Variants in MYO9B observed in about 807,000 individuals in gnomAD.
MYO9B encodes the protein myosin IXB.
Under a neutral mutation model 229.5 loss-of-function variants are expected in MYO9B, and 71 were observed. The observed-to-expected ratio is 0.31, with a 90% confidence interval of 0.26 to 0.38. The LOEUF (loss-of-function observed/expected upper bound fraction) is 0.38. Ranked by LOEUF, MYO9B falls within the 10% of genes least tolerant of loss-of-function variation. The pLI, the probability that MYO9B is intolerant of heterozygous loss-of-function variation, is 1.00. For missense variants in MYO9B, 2,255 were observed against 2,920.5 expected (o/e 0.77, Z 5.25); for synonymous variants, 1,185 against 1,235.8 (o/e 0.96, Z 0.86).
intron 14 of MYO9B, among the ~76,000 whole-genome samples, chr19:17,179,172 C>T (rs918017992): frequency 2.0e-5 from 3 of 152,134 alleles, no homozygotes; most frequent in East Asian, 3.8e-4. Context: ...AGAGCACCCC[C>T]ACCCCCAAGT....
chr19:17,117,937 C>CAAAA (rs567862829), intron 2 of MYO9B, among the ~76,000 whole-genome samples: 9 of 91,356 alleles, frequency 9.9e-5, no homozygotes, highest in African/African-American at 1.8e-4. Context: ...CACTCTTCCT[C>CAAAA]AAAAAAAAAA....
In MYO9B at chr19:17,195,465, G is replaced by C; in HGVS notation, c.4038G>C (p.Thr1346=). Residue 1346 remains threonine, a synonymous_variant, in exon 22 of 40, where the codon ACG becomes ACC. Coordinates refer to ENST00000682292, the MANE Select transcript of MYO9B (RefSeq NM_004145.4). The surrounding 1 kb of genome is among the most constrained non-coding windows in gnomAD (Gnocchi z 4.5). ...DRHRATGAAL[T]PTEERRTSFS... ...ACCGGGCCACAGGGGCCGCCCTCACGCCCACAGAGTAAGCCCCACACCCTC... is the reference window on the plus strand; with the variant it reads ...ACCGGGCCACAGGGGCCGCCCTCACCCCCACAGAGTAAGCCCCACACCCTC... 1 of 1,594,912 alleles carries C rather than the reference G, an allele frequency of 6.3e-7. No individual in the cohort carries two copies. The highest frequency in any genetic ancestry group is 8.5e-7 in the Non-Finnish European group (1 of 1,175,922).
At chr19:17,075,961 G>C (rs1328678244) in intron 1 of MYO9B, 87 bp downstream of exon 1, 1 of 152,462 alleles carries the variant, frequency 6.6e-6, no homozygotes, top group Non-Finnish European at 1.5e-5. Context: ...GCTGAGGGCT[G>C]ATGGGGGACG....
chr19:17,186,341 C>T (rs1236508576), intron 18 of MYO9B, among the ~76,000 whole-genome samples: 5 of 152,160 alleles, frequency 3.3e-5, no homozygotes, highest in Non-Finnish European at 5.9e-5. Flanking sequence ...GCACACACAG[C>T]CCGCTGCTCA....
rs1336451992 is a variant in MYO9B, at chr19:17,124,644, C to T, written c.841-20753C>T. Among the ~76,000 whole-genome samples, 10 of 151,598 alleles carry T rather than the reference C, an allele frequency of 6.6e-5. No homozygotes were observed. The East Asian group carries it at 1.8e-3, about 27-fold the overall frequency. On this transcript the variant is annotated intron_variant, in intron 2 of 39. Transcript: ENST00000682292. ...AAAATTAGCCGGGCACCTGTAATCC[C>T]AGCTACTCAGGAGGCTGAGGCAAGA...
At chr19:17,084,371 G>A (rs1198594462) in intron 1 of MYO9B, among the ~76,000 whole-genome samples, 1 of 151,872 alleles carries the variant, frequency 6.6e-6, no homozygotes, top group African/African-American at 2.4e-5. Context: ...TGTATTCTGT[G>A]TATTCTGGTA....
At chr19:17,146,661 G>A (rs1424248291) in intron 3 of MYO9B, among the ~76,000 whole-genome samples, 1 of 152,136 alleles carries the variant, frequency 6.6e-6, no homozygotes, top group African/African-American at 2.4e-5. Context: ...TGAATAAATG[G>A]GTAGATTTTG....
chr19:17,147,800 C>T (rs2072431724), intron 3 of MYO9B, among the ~76,000 whole-genome samples: 1 of 107,984 alleles, frequency 9.3e-6, no homozygotes, highest in Non-Finnish European at 1.8e-5. Flanking sequence ...ATTCTCCTGC[C>T]TCAGCTCGAG....
At chr19:17,200,558 T>G in intron 25 of MYO9B, 81 bp from the exon 26 acceptor site, 1 of 1,512,348 alleles carries the variant, frequency 6.6e-7, no homozygotes, top group South Asian at 1.3e-5. Context: ...TTTCTGGCCC[T>G]GGATAAAGGC....
chr19:17,154,431 C>T lies in MYO9B; in HGVS notation c.1199+16C>T, dbSNP rs201897134. The T allele has an allele frequency of 2.8e-5, 45 of 1,598,534 alleles. No individual in the cohort carries two copies. The African/African-American group carries it at 5.6e-4, about 20-fold the overall frequency. Reference sequence around the variant, plus strand: ...CCAAGAAGCAGTAAGTGTGCGGGCTCCCGGGGCCTGTCCCCCAGAGCCTAC... The same window carrying T: ...CCAAGAAGCAGTAAGTGTGCGGGCTTCCGGGGCCTGTCCCCCAGAGCCTAC... On this transcript the variant is annotated intron_variant, in intron 6 of 39. Transcript: ENST00000682292.
chr19:17,104,932 AT>A (rs2057779023), intron 2 of MYO9B, among the ~76,000 whole-genome samples: 1 of 151,990 alleles, frequency 6.6e-6, no homozygotes, highest in South Asian at 2.1e-4. Context: ...CATAGTTTCC[AT>A]TAGGGTTCTT....
At chr19:17,110,524 TG>T (rs2057837880) in intron 2 of MYO9B, among the ~76,000 whole-genome samples, 1 of 152,190 alleles carries the variant, frequency 6.6e-6, no homozygotes, top group African/African-American at 2.4e-5. Context: ...GGTGCCCTTC[TG>T]AGAGCAGGCT....
At chr19:17,139,858 A>G (rs2072315839) in intron 2 of MYO9B, among the ~76,000 whole-genome samples, 1 of 152,130 alleles carries the variant, frequency 6.6e-6, no homozygotes, top group Non-Finnish European at 1.5e-5. Context: ...CCTGACCAAC[A>G]TGGAGAAACC....
At chr19:17,152,518 G>A in intron 3 of MYO9B, 126 bp from the exon 4 acceptor site, 1 of 686,790 alleles carries the variant, frequency 1.5e-6, no homozygotes, top group Non-Finnish European at 2.3e-6. Context: ...AGCCGAGATT[G>A]TGCCGTTGTA....
intron 2 of MYO9B, among the ~76,000 whole-genome samples, chr19:17,130,341 G>A (rs1599353521): frequency 6.6e-6 from 1 of 152,118 alleles, no homozygotes; most frequent in Non-Finnish European, 1.5e-5. Context: ...CATTGGCCGG[G>A]CACGGTGGCT....
chr19:17,147,482 T>G (rs1162396198), intron 3 of MYO9B, among the ~76,000 whole-genome samples: 1 of 142,650 alleles, frequency 7.0e-6, no homozygotes, highest in Non-Finnish European at 1.5e-5. Flanking sequence ...AGGCGGAGAT[T>G]GCAGTGAGCC....
intron 33 of MYO9B, 148 bp from the exon 34 acceptor site, chr19:17,206,531 G>T: frequency 2.3e-6 from 3 of 1,310,156 alleles, no homozygotes; most frequent in Non-Finnish European, 3.1e-6. Context: ...CCAGTTTGGG[G>T]TGGGGCCAGG....
At chr19:17,078,466 G>A (rs576915830) in intron 1 of MYO9B, among the ~76,000 whole-genome samples, 28 of 152,288 alleles carry the variant, frequency 1.8e-4, no homozygotes, top group African/African-American at 5.8e-4. Context: ...CTTGAACCCA[G>A]GAGGCGGAGT....
At chr19:17,142,251 G>T (rs183662783) in intron 2 of MYO9B, among the ~76,000 whole-genome samples, 70 of 152,044 alleles carry the variant, frequency 4.6e-4, no homozygotes, top group African/African-American at 1.6e-3. Flanking sequence ...GAGATACCCA[G>T]AACAGGCAAA....
Sources: gnomAD v4.1 joint callset for allele counts (sites outside exome capture counted in the v4.1 genomes callset) on GRCh38, gnomAD v4.1.1 for gene constraint, Gnocchi (gnomAD v3.1) non-coding constraint, MANE v1.5 for transcripts, NCBI Gene and HGNC (gene_info 2026-07-23, HGNC 2026-07-21) for gene names.